FAM107B: variants seen among roughly 807,000 people sequenced by gnomAD.
FAM107B encodes protein FAM107B.
In FAM107B, 21 loss-of-function variants were observed where a neutral mutation model predicts 31.5. That is an observed-to-expected ratio of 0.67 (90% confidence interval 0.47 to 0.96). FAM107B has a LOEUF of 0.96. FAM107B is among the 40% of genes least tolerant of loss of function. The pLI is 0.00. For missense variants in FAM107B, 452 were observed against 377.1 expected (o/e 1.20, Z -1.64); for synonymous variants, 157 against 141.5 (o/e 1.11, Z -0.78).
chr10:14,669,872 G>A (rs1854500954), intron 1 of FAM107B, among the ~76,000 whole-genome samples: 1 of 152,194 alleles, frequency 6.6e-6, no homozygotes, highest in African/African-American at 2.4e-5. Context: ...GCAGAGCAAG[G>A]TGACTACAGT....
At chr10:14,620,651 A>C (rs11259232) in intron 2 of FAM107B, among the ~76,000 whole-genome samples, 66,676 of 151,894 alleles carry the variant, frequency 0.44, 15,138 homozygotes, top group East Asian at 0.7. Context: ...CAACTACATT[A>C]GGTATTTCTC....
intron 1 of FAM107B, among the ~76,000 whole-genome samples, chr10:14,718,563 G>T (rs567543990): frequency 1.3e-5 from 2 of 151,246 alleles, no homozygotes; most frequent in East Asian, 1.9e-4. Flanking sequence ...AAGGAAGGAA[G>T]GAATTTGAAT....
chr10:14,647,089 C>T (rs563557107), intron 2 of FAM107B, among the ~76,000 whole-genome samples: 34 of 152,164 alleles, frequency 2.2e-4, no homozygotes, highest in Admixed American at 2.1e-3. Context: ...CCACTGTGCC[C>T]GGCTCCATTT....
At chr10:14,521,818 A>G (rs1845668941) in intron 4 of FAM107B, 51 bp downstream of exon 4, 9 of 1,595,738 alleles carry the variant, frequency 5.6e-6, no homozygotes, top group Non-Finnish European at 7.7e-6. Flanking sequence ...ACACTCCAAC[A>G]TTCTTCAAGA....
At chr10:14,667,548 T>C in intron 2 of FAM107B, 86 bp downstream of exon 2, 1 of 1,382,388 alleles carries the variant, frequency 7.2e-7, no homozygotes, top group Non-Finnish European at 1.0e-6. Context: ...AGGTTTTCCT[T>C]TGCAATCTGA....
At chr10:14,541,520 T>A (rs1371230303) in intron 2 of FAM107B, among the ~76,000 whole-genome samples, 9 of 152,066 alleles carry the variant, frequency 5.9e-5, no homozygotes, top group South Asian at 2.1e-4. Flanking sequence ...CCAGGCACCT[T>A]GCAAAGACCA....
At chr10:14,580,178 T>C (rs923192543) in intron 2 of FAM107B, among the ~76,000 whole-genome samples, 5 of 151,702 alleles carry the variant, frequency 3.3e-5, no homozygotes, top group Non-Finnish European at 7.4e-5. Flanking sequence ...GCTAATATGG[T>C]GAAACCCTGT....
Position 14,627,042 on chromosome 10 carries a change from T to C in FAM107B, c.469+40592A>G, listed in dbSNP as rs140074773. Among the ~76,000 whole-genome samples the C allele has an allele frequency of 3.5e-4, 53 of 152,252 alleles. No homozygotes were observed. In the East Asian group the frequency reaches 0.01, roughly 29 times the overall value. On this transcript the variant is annotated intron_variant, in intron 2 of 4. Coordinates refer to ENST00000181796, the MANE Select transcript of FAM107B (RefSeq NM_031453.4). ...CTCTTACCTCTCCGGATGCTCTTAA[T>C]TAGATATGACCATAACCTGAAGGTG...
At chr10:14,739,618 T>C (rs1465212020) in intron 1 of FAM107B, among the ~76,000 whole-genome samples, 4 of 149,626 alleles carry the variant, frequency 2.7e-5, no homozygotes, top group Non-Finnish European at 4.4e-5. Flanking sequence ...GTGTTCATGA[T>C]GAATGAATGA....
At position 14,540,075 on chromosome 10, in the gene FAM107B, C is replaced by T. The variant is rs545402764; in HGVS notation, c.470-9560G>A. Among the ~76,000 whole-genome samples the T allele has an allele frequency of 2.0e-5, 3 of 152,334 alleles. No individual in the cohort carries two copies. The East Asian group carries it at 5.8e-4, about 29-fold the overall frequency. On this transcript the variant is annotated intron_variant, in intron 2 of 4. Transcript: ENST00000181796. ...CACTCTGCAGCTCTGGGTGTCCCAG[C>T]CCTAGTCAGTCCCATCTGAAGCCCC...
At chr10:14,672,946 T>C (rs573319170) in intron 1 of FAM107B, among the ~76,000 whole-genome samples, 8 of 152,330 alleles carry the variant, frequency 5.3e-5, no homozygotes, top group African/African-American at 1.9e-4. Flanking sequence ...AGGTAGTTTG[T>C]TGGAGACAGA....
intron 2 of FAM107B, among the ~76,000 whole-genome samples, chr10:14,658,657 A>G (rs1799764049): frequency 6.6e-6 from 1 of 152,248 alleles, no homozygotes; most frequent in African/African-American, 2.4e-5. Context: ...TTTCTGACTC[A>G]TCTGCTTCAC....
At chr10:14,533,942 G>A (rs1373855607) in intron 2 of FAM107B, among the ~76,000 whole-genome samples, 4 of 152,150 alleles carry the variant, frequency 2.6e-5, no homozygotes, top group South Asian at 2.1e-4. Context: ...GGGGGGCTGC[G>A]GTTGACTTTT....
At chr10:14,649,217 TG>T (rs1339453490) in intron 2 of FAM107B, among the ~76,000 whole-genome samples, 2 of 152,230 alleles carry the variant, frequency 1.3e-5, no homozygotes, top group Non-Finnish European at 2.9e-5. Flanking sequence ...AAACAGACTC[TG>T]CGTAGCAATA....
At chr10:14,537,761 GGA>G (rs1253995875) in intron 2 of FAM107B, among the ~76,000 whole-genome samples, 1 of 151,292 alleles carries the variant, frequency 6.6e-6, no homozygotes, top group Non-Finnish European at 1.5e-5. Flanking sequence ...CTTGAACCCA[GGA>G]GGCGGAGACT....
intron 2 of FAM107B, among the ~76,000 whole-genome samples, chr10:14,635,187 G>C (rs2131424142): frequency 6.6e-6 from 1 of 151,842 alleles, no homozygotes; most frequent in Admixed American, 6.6e-5. Context: ...AGTTTTTTTG[G>C]CCTGAAGAAC....
chr10:14,628,732 T>C (rs1015657292), intron 2 of FAM107B, among the ~76,000 whole-genome samples: 11 of 152,302 alleles, frequency 7.2e-5, no homozygotes, highest in African/African-American at 2.6e-4. Flanking sequence ...AATGTTTGTA[T>C]TGTATAAAAT....
intron 2 of FAM107B, among the ~76,000 whole-genome samples, chr10:14,570,863 ATT>A (rs35227134): frequency 0.015 from 2,234 of 145,608 alleles, 34 homozygotes; most frequent in African/African-American, 0.042. Context: ...TCATGTGTTC[ATT>A]TTTTTTTTTT....
At chr10:14,621,736 CT>C (rs34197775) in intron 2 of FAM107B, among the ~76,000 whole-genome samples, 3 of 152,146 alleles carry the variant, frequency 2.0e-5, no homozygotes, top group Non-Finnish European at 2.9e-5. Flanking sequence ...CAGGATTTGG[CT>C]TTTTTTGAGG....
Sources: allele counts gnomAD v4.1 joint callset (sites outside exome capture counted in the v4.1 genomes callset), GRCh38; gene constraint gnomAD v4.1.1; transcripts MANE v1.5; gene names NCBI Gene and HGNC (gene_info 2026-07-23, HGNC 2026-07-21).